The following INSYN2B variants were observed in gnomAD, a reference collection of about 807,000 sequenced individuals.
INSYN2B encodes protein INSYN2B.
In INSYN2B, 16 loss-of-function variants were observed where a neutral mutation model predicts 41.2. The ratio of observed to expected loss-of-function variants is 0.39; its 90% CI spans 0.26 to 0.59. INSYN2B has a LOEUF of 0.59. Ranked by LOEUF, INSYN2B falls within the 20% of genes least tolerant of loss-of-function variation. The pLI, the probability that INSYN2B is intolerant of heterozygous loss-of-function variation, is 0.57. For missense variants in INSYN2B, 608 were observed against 646.4 expected (o/e 0.94, Z 0.64); for synonymous variants, 245 against 244.4 (o/e 1.00, Z -0.02).
chr5:169,915,897 T>C (rs193249806), intron 1 of INSYN2B, among the ~76,000 whole-genome samples: 12 of 152,262 alleles, frequency 7.9e-5, no homozygotes, highest in Admixed American at 7.9e-4. Flanking sequence ...ATGGTATACA[T>C]TGGTTTAGAA....
At chr5:169,944,181 A>G (rs35953568) in intron 1 of INSYN2B, among the ~76,000 whole-genome samples, 17,223 of 152,156 alleles carry the variant, frequency 0.11, 1,199 homozygotes, top group African/African-American at 0.2. Context: ...TGCCACACCA[A>G]AGGCCCTGCC....
At chr5:169,943,698 G>A (rs1400640235) in intron 1 of INSYN2B, among the ~76,000 whole-genome samples, 1 of 152,130 alleles carries the variant, frequency 6.6e-6, no homozygotes, top group Non-Finnish European at 1.5e-5. Context: ...TGGGATCAGT[G>A]GAATCAGCAT....
intron 1 of INSYN2B, among the ~76,000 whole-genome samples, chr5:169,939,632 A>G (rs541048251): frequency 3.3e-5 from 5 of 152,170 alleles, no homozygotes; most frequent in Non-Finnish European, 5.9e-5. Context: ...GTGTTATGAC[A>G]TTAGGATGGG....
At chr5:169,916,756 A>C (rs1045330401) in intron 1 of INSYN2B, among the ~76,000 whole-genome samples, 1 of 152,192 alleles carries the variant, frequency 6.6e-6, no homozygotes, top group African/African-American at 2.4e-5. Flanking sequence ...AGAATTTGGC[A>C]TATATAAGTC....
intron 1 of INSYN2B, among the ~76,000 whole-genome samples, chr5:169,939,051 G>GCC (rs1776118671): frequency 2.0e-5 from 3 of 151,138 alleles, no homozygotes; most frequent in Admixed American, 6.6e-5. Context: ...CTACAGGCAT[G>GCC]CACCACCACG....
intron 1 of INSYN2B, among the ~76,000 whole-genome samples, chr5:169,922,188 C>T (rs1335807903): frequency 6.6e-6 from 1 of 152,128 alleles, no homozygotes; most frequent in Non-Finnish European, 1.5e-5. Flanking sequence ...GGAAGAAGCT[C>T]TCCAGAAAAA....
At chr5:169,968,331 G>A (rs1162284176) in intron 1 of INSYN2B, among the ~76,000 whole-genome samples, 1 of 152,114 alleles carries the variant, frequency 6.6e-6, no homozygotes, top group African/African-American at 2.4e-5. Flanking sequence ...TAACCTCTTT[G>A]ATAGGAGTCC....
intron 1 of INSYN2B, among the ~76,000 whole-genome samples, chr5:169,918,187 A>T (rs913459613): frequency 6.6e-6 from 1 of 152,198 alleles, no homozygotes; most frequent in Non-Finnish European, 1.5e-5. Context: ...TACAGAAACC[A>T]CATATGATCC....
intron 1 of INSYN2B, among the ~76,000 whole-genome samples, chr5:169,962,834 C>T (rs567740975): frequency 1.3e-5 from 2 of 152,188 alleles, no homozygotes; most frequent in South Asian, 4.2e-4. Context: ...GAAAGGGTAT[C>T]GAGGCCAGAC....
intron 1 of INSYN2B, among the ~76,000 whole-genome samples, chr5:169,950,558 G>A (rs1193233399): frequency 2.0e-5 from 3 of 152,172 alleles, no homozygotes; most frequent in East Asian, 1.9e-4. Context: ...TTCTCTGGGG[G>A]TTGTGTCAGT....
At chr5:169,934,811 T>A (rs868488198) in intron 1 of INSYN2B, 1 of 438,330 alleles carries the variant, frequency 2.3e-6, no homozygotes, top group Non-Finnish European at 4.6e-6. Flanking sequence ...ATCTGTATGA[T>A]AAATTGATTG....
chr5:169,918,335 G>C (rs1417204703), intron 1 of INSYN2B, among the ~76,000 whole-genome samples: 1 of 152,150 alleles, frequency 6.6e-6, no homozygotes, highest in Non-Finnish European at 1.5e-5. Context: ...ATAACCCAGC[G>C]ATTCTTCTGC....
In INSYN2B at chr5:169,882,547, C is replaced by A. The variant is rs1214725578; in HGVS notation, c.1346+6G>T. 3.3e-6 allele frequency: 5 copies of A among 1,537,542 alleles called. No homozygotes were observed. Among genetic ancestry groups the A allele is most frequent in the Non-Finnish European group, 4.4e-6 (5 of 1,136,766 alleles). On this transcript the variant is annotated splice_donor_region_variant and intron_variant, in intron 2 of 3. Transcript: ENST00000377365. Reference sequence around the variant, plus strand: ...CATTTTTAATATGAAAAAAAAATCTCCTTACCCTTCAGTGAGAGCTCGAGC... The same window carrying A: ...CATTTTTAATATGAAAAAAAAATCTACTTACCCTTCAGTGAGAGCTCGAGC...
intron 3 of INSYN2B, among the ~76,000 whole-genome samples, chr5:169,874,943 C>T (rs1341335584): frequency 6.6e-6 from 1 of 152,108 alleles, no homozygotes; most frequent in Non-Finnish European, 1.5e-5. Context: ...CCTCTCTCTT[C>T]CTTCCCTCGC....
chr5:169,886,719 C>G (rs1772991153), intron 1 of INSYN2B, among the ~76,000 whole-genome samples: 1 of 152,178 alleles, frequency 6.6e-6, no homozygotes, highest in Admixed American at 6.5e-5. Flanking sequence ...AGTTCATACT[C>G]TTCATCTTTG....
intron 3 of INSYN2B, among the ~76,000 whole-genome samples, chr5:169,865,421 C>T (rs557355565): frequency 3.0e-4 from 45 of 152,276 alleles, no homozygotes; most frequent in African/African-American, 1.1e-3. Context: ...ACCTCAGGGA[C>T]TCTCAGCCTG....
rs1772746984 is a variant in INSYN2B at position 169,882,943 on chromosome 5, T to C, written c.956A>G (p.Gln319Arg). ...HSSPSQGSHSQPAHPGRASDC... is the reference protein window; with the variant it reads ...HSSPSQGSHSRPAHPGRASDC... ...TGAGGCTCTTCCTGGGTGGGCTGGC[T>C]GGCTGTGGGAGCCTTGTGAGGGGGA... The change falls in exon 2 of 4, where the codon CAG becomes CGG. Residue 319 changes from glutamine (Q) to arginine (R), a missense_variant. Physicochemically the swap from Gln to Arg is conservative, Grantham distance 43 (BLOSUM62 1). Transcript: ENST00000377365. 6.4e-7 allele frequency: 1 copy of C among 1,551,828 alleles called. No individual in the cohort carries two copies. The highest frequency in any genetic ancestry group is 2.0e-5 in the Admixed American group (1 of 50,982).
At chr5:169,890,865 C>A (rs575511503) in intron 1 of INSYN2B, among the ~76,000 whole-genome samples, 1 of 152,316 alleles carries the variant, frequency 6.6e-6, no homozygotes, top group East Asian at 1.9e-4. Flanking sequence ...GAGTGTCCCC[C>A]TCTCTTGTCC....
At chr5:169,902,977 A>G (rs992653071) in intron 1 of INSYN2B, among the ~76,000 whole-genome samples, 5 of 152,132 alleles carry the variant, frequency 3.3e-5, no homozygotes, top group Admixed American at 6.5e-5. Context: ...ACATGCCTGT[A>G]GTCCCAGCTA....
Sources: gnomAD v4.1 joint callset for allele counts (sites outside exome capture counted in the v4.1 genomes callset) on GRCh38, gnomAD v4.1.1 for gene constraint, MANE v1.5 for transcripts, NCBI Gene and HGNC (gene_info 2026-07-23, HGNC 2026-07-21) for gene names.